TNNT2: variants seen among roughly 807,000 people sequenced by gnomAD.
TNNT2 encodes the protein troponin T, cardiac muscle.
In TNNT2, 34 loss-of-function variants were observed where a neutral mutation model predicts 62.4. That is an observed-to-expected ratio of 0.54 (90% CI 0.41 to 0.72). The LOEUF is 0.72. TNNT2 is among the 30% of genes least tolerant of loss of function. The pLI is 0.00. For missense variants in TNNT2, 275 were observed against 381.9 expected (o/e 0.72, Z 2.33); for synonymous variants, 123 against 127.2 (o/e 0.97, Z 0.22).
chr1:201,366,476 T>C, intron 8 of TNNT2: 2 of 1,167,822 alleles, frequency 1.7e-6, no homozygotes, highest in Non-Finnish European at 2.1e-6. Flanking sequence ...GGTTTCATTG[T>C]TTGGCTCCCC....
chr1:201,359,558 T>A, intron 16 of TNNT2, 65 bp downstream of exon 16: 1 of 1,492,298 alleles, frequency 6.7e-7, no homozygotes, highest in Non-Finnish European at 9.2e-7. Context: ...AGGAATGGGA[T>A]AGCTGGAAGG....
rs1038136365 is a variant in TNNT2 at position 201,359,480 on chromosome 1, G to A, written c.851+143C>T. On this transcript the variant is annotated intron_variant, in intron 16 of 16. Coordinates refer to ENST00000656932, the MANE Select transcript of TNNT2 (RefSeq NM_001276345.2). ...GGGAGAGAAGCACGAGGCCCCGGAG[G>A]AGCCAGAGAAGGAAACCTGTGGGCT... 4.0e-5 allele frequency: 41 copies of A among 1,014,546 alleles called. No homozygotes were observed. The African/African-American group carries it at 6.0e-4, about 15-fold the overall frequency. 62.8% of individuals were successfully genotyped at this position (1,014,546 alleles called of 1,614,324 possible).
At chr1:201,367,061 A>AC (rs2102275703) in intron 7 of TNNT2, 190 bp from the exon 8 acceptor site, 3 of 831,994 alleles carry the variant, frequency 3.6e-6, no homozygotes, top group Middle Eastern at 2.2e-4. Context: ...CAGATGCCAC[A>AC]CTCCCCCTCC....
Position 201,366,237 on chromosome 1 carries a change from T to A in TNNT2, c.234-567A>T, listed in dbSNP as rs376897515. ...ACTGGGCAAATAAATGGATCTGGGA[T>A]GTCTTGGGCTGGTTTCAGAAGGCCC... On this transcript the variant is annotated intron_variant, in intron 8 of 16. Coordinates refer to ENST00000656932, the MANE Select transcript of TNNT2 (RefSeq NM_001276345.2). 8.3e-4 allele frequency: 843 copies of A among 1,018,770 alleles called. 9 individuals carry two copies. In the African/African-American group the frequency reaches 0.013, roughly 16 times the overall value. 63.1% of individuals were successfully genotyped at this position (1,018,770 alleles called of 1,614,324 possible). A position where few individuals can be genotyped will look rare whatever the true frequency, so the allele number is the denominator to read the frequency against.
At chr1:201,363,049 T>TG in intron 12 of TNNT2, 1 of 931,128 alleles carries the variant, frequency 1.1e-6, no homozygotes, top group Non-Finnish European at 1.3e-6. Context: ...GAGCCAGGCA[T>TG]GGGGGGCACC....
rs1413586227 is a variant in TNNT2 at position 201,366,623 on chromosome 1, G to A, written c.233+215C>T. 90 of 1,451,838 alleles carry A rather than the reference G, an allele frequency of 6.2e-5. 1 individual carries two copies. The South Asian group carries it at 8.8e-4, about 14-fold the overall frequency. 89.9% of individuals were successfully genotyped at this position (1,451,838 alleles called of 1,614,324 possible). A position where few individuals can be genotyped will look rare whatever the true frequency, so the allele number is the denominator to read the frequency against. On this transcript the variant is annotated intron_variant, in intron 8 of 16. Transcript: ENST00000656932. Reference sequence around the variant, plus strand: ...TAGCCCCATCCCTGCTAGGGTGCACGATTGGTGATGGAGTGTTGGGTGGAA... The same window carrying A: ...TAGCCCCATCCCTGCTAGGGTGCACAATTGGTGATGGAGTGTTGGGTGGAA...
Position 201,361,970 on chromosome 1 carries a change from A to G in TNNT2, c.662T>C (p.Ile221Thr), listed in dbSNP as rs863225120. ...CAGCACCTTCCTCCTCTCAGCCAGA[A>G]TCTTCTTCTTCTTTTCCCGCTCAGT... ...RQTEREKKKKILAERRKVLAI... is the reference protein window; with the variant it reads ...RQTEREKKKKTLAERRKVLAI... The change falls in exon 14 of 17, where the codon ATT becomes ACT. Residue 221 changes from isoleucine (I) to threonine (T), a missense_variant. By Grantham distance (89) the Ile-to-Thr change is moderately conservative. Coordinates refer to ENST00000656932, the MANE Select transcript of TNNT2 (RefSeq NM_001276345.2). 3.7e-6 allele frequency: 6 copies of G among 1,614,114 alleles called. No homozygotes were observed. The highest frequency in any genetic ancestry group is 5.1e-6 in the Non-Finnish European group (6 of 1,180,008).
In TNNT2 at chr1:201,359,064, G is replaced by T; in HGVS notation, c.*146C>A. 1.0e-6 allele frequency: 1 copy of T among 953,010 alleles called. No individual in the cohort carries two copies. The highest frequency in any genetic ancestry group is 1.6e-6 in the Non-Finnish European group (1 of 608,416). 59.0% of individuals were successfully genotyped at this position (953,010 alleles called of 1,614,324 possible). A position where few individuals can be genotyped will look rare whatever the true frequency, so the allele number is the denominator to read the frequency against. On this transcript the variant is annotated 3_prime_UTR_variant, in exon 17 of 17. Coordinates refer to ENST00000656932, the MANE Select transcript of TNNT2 (RefSeq NM_001276345.2). ...TGGTGTGGAGTGGGTGTGGGGGCAG[G>T]CAGGAGTGGTGGCTCCCACCTAGGC...
At chr1:201,367,334 G>T (rs1316684813) in intron 7 of TNNT2, 1 of 382,614 alleles carries the variant, frequency 2.6e-6, no homozygotes, top group Non-Finnish European at 4.9e-6. Flanking sequence ...CTCCCCTTTG[G>T]AGAAGTGACT....
intron 15 of TNNT2, among the ~76,000 whole-genome samples, chr1:201,359,888 G>C (rs1388004076): frequency 2.0e-5 from 3 of 152,166 alleles, no homozygotes; most frequent in African/African-American, 7.2e-5. Context: ...GCCTCCCACT[G>C]TGGGGTCCCA....
At chr1:201,363,977 C>T in intron 11 of TNNT2, 1 of 389,840 alleles carries the variant, frequency 2.6e-6, no homozygotes, top group Non-Finnish European at 4.8e-6. Flanking sequence ...AACCTTGCCT[C>T]CTGGGTTCAA....
chr1:201,365,877 C>G lies in TNNT2; in HGVS notation c.234-207G>C, dbSNP rs1246837876. ...AATACACAAAGCTCTTTCACATATG[C>G]TATTTCACTTCATGCTCATGATATG... On this transcript the variant is annotated intron_variant, in intron 8 of 16. Coordinates refer to ENST00000656932, the MANE Select transcript of TNNT2 (RefSeq NM_001276345.2). 4 of 1,440,400 alleles carry G rather than the reference C, an allele frequency of 2.8e-6. No individual in the cohort carries two copies. The South Asian group carries it at 5.6e-5, about 20-fold the overall frequency. 89.2% of individuals were successfully genotyped at this position (1,440,400 alleles called of 1,614,324 possible).
At chr1:201,365,698 A>G (rs1190316461) in intron 8 of TNNT2, 28 bp from the exon 9 acceptor site, 2 of 1,612,386 alleles carry the variant, frequency 1.2e-6, no homozygotes, top group South Asian at 2.2e-5. Context: ...AGTCAGCATC[A>G]GCCCCATTCT....
intron 5 of TNNT2, 83 bp from the exon 6 acceptor site, chr1:201,368,310 G>T: frequency 7.0e-7 from 1 of 1,433,842 alleles, no homozygotes; most frequent in South Asian, 1.2e-5. Flanking sequence ...ATGGGCAGCG[G>T]GGAGTGGGGA....
At chr1:201,361,115 G>A (rs2102227370) in intron 15 of TNNT2, 164 bp downstream of exon 15, 1 of 764,204 alleles carries the variant, frequency 1.3e-6, no homozygotes. Context: ...CGGTGGACAT[G>A]GAACACTGCT....
intron 1 of TNNT2, among the ~76,000 whole-genome samples, 184 bp downstream of exon 1, chr1:201,377,439 A>G (rs575605525): frequency 1.1e-4 from 17 of 152,028 alleles, no homozygotes; most frequent in Non-Finnish European, 2.2e-4. Flanking sequence ...TCTCTGCTCT[A>G]TTGTACCAAT....
In TNNT2 at chr1:201,362,112, C is replaced by T. The variant is rs11810834; in HGVS notation, c.610-90G>A. 8,726 of 1,428,572 alleles carry T rather than the reference C, an allele frequency of 6.1e-3. 383 individuals are homozygous for T. The African/African-American group carries it at 0.11, about 17-fold the overall frequency. The allele number at this position is 1,428,572 out of a possible 1,614,324, so 88.5% of individuals were successfully genotyped here. A position where few individuals can be genotyped will look rare whatever the true frequency, so the allele number is the denominator to read the frequency against. Reference sequence around the variant, plus strand: ...CAAACCCCCTGGGGGTGGAGCAAGGCCTGCAGGAGGGCCAGGTTCTTATGC... The same window carrying T: ...CAAACCCCCTGGGGGTGGAGCAAGGTCTGCAGGAGGGCCAGGTTCTTATGC... On this transcript the variant is annotated intron_variant, in intron 13 of 16. Transcript: ENST00000656932.
rs1659059325 is a variant in TNNT2, at chr1:201,363,365, C to T, written c.531G>A (p.Lys177=). Residue 177 remains lysine (K), a synonymous_variant, in exon 12 of 17, where the codon AAG becomes AAA. Coordinates refer to ENST00000656932, the MANE Select transcript of TNNT2 (RefSeq NM_001276345.2). ...ARREEEENRR[K]AEDEARKKKA... ...TCTTCTTCCGGGCCTCATCCTCAGC[C>T]TTCCTCCTGTTCTCCTCCTCCTCTC... 1.2e-6 allele frequency: 2 copies of T among 1,614,126 alleles called. No individual in the cohort carries two copies. The highest frequency in any genetic ancestry group is 1.3e-5 in the African/African-American group (1 of 74,940).
Position 201,367,065 on chromosome 1 carries a change from C to T in TNNT2, c.200-194G>A, listed in dbSNP as rs930655249. The T allele has an allele frequency of 4.9e-6, 4 of 808,660 alleles. No homozygotes were observed. In the African/African-American group the frequency reaches 6.8e-5, roughly 14 times the overall value. The allele number at this position is 808,660 out of a possible 1,614,324, so 50.1% of individuals were successfully genotyped here. On this transcript the variant is annotated intron_variant, in intron 7 of 16. Coordinates refer to ENST00000656932, the MANE Select transcript of TNNT2 (RefSeq NM_001276345.2). ...AGCGGGGGCTGCAGATGCCACACTC[C>T]CCCTCCCATAGAGTTCTGCAGGGCA...
Sources: gnomAD v4.1 joint callset for allele counts (sites outside exome capture counted in the v4.1 genomes callset) on GRCh38, gnomAD v4.1.1 for gene constraint, MANE v1.5 for transcripts, NCBI Gene and HGNC (gene_info 2026-07-23, HGNC 2026-07-21) for gene names.